Variants in DOCK3 observed in about 807,000 individuals in gnomAD.
DOCK3 encodes the protein dedicator of cytokinesis 3.
In DOCK3, 60 loss-of-function variants were observed where a neutral mutation model predicts 265.6. The ratio of observed to expected loss-of-function variants is 0.23; its 90% CI spans 0.18 to 0.28. The LOEUF (loss-of-function observed/expected upper bound fraction) is 0.28, where lower values mean the gene tolerates loss of function less well. Among genes scored for constraint, DOCK3 ranks in the 10% least tolerant of loss-of-function variants. The pLI is 1.00. For missense variants in DOCK3, 1,981 were observed against 2,594.3 expected (o/e 0.76, Z 5.14); for synonymous variants, 881 against 938.0 (o/e 0.94, Z 1.11).
At chr3:51,350,179 T>A in intron 39 of DOCK3, 109 bp from the exon 40 acceptor site, 1 of 893,892 alleles carries the variant, frequency 1.1e-6, no homozygotes, top group Non-Finnish European at 1.7e-6. Context: ...TTATCTAGAT[T>A]GAGTTGCCAT....
At chr3:50,815,475 T>A (rs1165200737) in intron 2 of DOCK3, among the ~76,000 whole-genome samples, 1 of 152,226 alleles carries the variant, frequency 6.6e-6, no homozygotes, top group African/African-American at 2.4e-5. Context: ...TTCATAATCA[T>A]GAAATTGACC....
chr3:51,322,394 G>A (rs1437706647), intron 32 of DOCK3, among the ~76,000 whole-genome samples: 5 of 151,962 alleles, frequency 3.3e-5, no homozygotes, highest in African/African-American at 7.3e-5. Flanking sequence ...TAGCAGAGAC[G>A]GAGTTTCACC....
intron 1 of DOCK3, among the ~76,000 whole-genome samples, chr3:50,773,962 T>A (rs1385668481): frequency 1.3e-5 from 2 of 152,068 alleles, no homozygotes; most frequent in African/African-American, 4.8e-5. Flanking sequence ...TTGTTCAGAA[T>A]TTATCTTCCA....
intron 12 of DOCK3, among the ~76,000 whole-genome samples, chr3:51,176,137 G>A (rs549008966): frequency 2.0e-5 from 3 of 152,206 alleles, no homozygotes; most frequent in Non-Finnish European, 4.4e-5. Flanking sequence ...CCAGAGTGAA[G>A]AAAGTGAGTT....
chr3:51,201,314 A>G (rs1466600263), intron 12 of DOCK3, among the ~76,000 whole-genome samples: 11 of 151,584 alleles, frequency 7.3e-5, no homozygotes, highest in African/African-American at 2.2e-4. Context: ...GGCTCAAAAT[A>G]AAAGGATGGA....
At chr3:51,183,592 A>C (rs2087425041) in intron 12 of DOCK3, among the ~76,000 whole-genome samples, 1 of 152,214 alleles carries the variant, frequency 6.6e-6, no homozygotes, top group Non-Finnish European at 1.5e-5. Flanking sequence ...ACATCATCCA[A>C]ACCTTCAAGG....
intron 5 of DOCK3, among the ~76,000 whole-genome samples, chr3:51,018,156 T>G (rs1222749355): frequency 6.6e-6 from 1 of 151,878 alleles, no homozygotes; most frequent in Non-Finnish European, 1.5e-5. Context: ...TGTCCCAAAG[T>G]GTTGGGATTA....
chr3:51,009,125 G>A (rs1010055108), intron 5 of DOCK3, among the ~76,000 whole-genome samples: 6 of 152,098 alleles, frequency 3.9e-5, no homozygotes, highest in Non-Finnish European at 7.4e-5. Context: ...GATGATGCTG[G>A]CCTCATAAAA....
intron 5 of DOCK3, among the ~76,000 whole-genome samples, chr3:51,017,051 T>C (rs987072946): frequency 6.8e-6 from 1 of 146,862 alleles, no homozygotes; most frequent in Non-Finnish European, 1.5e-5. Flanking sequence ...GCTTTGATCT[T>C]ATTACTTGTT....
At chr3:50,682,853 T>C (rs1028464891) in intron 1 of DOCK3, among the ~76,000 whole-genome samples, 3 of 152,146 alleles carry the variant, frequency 2.0e-5, no homozygotes, top group Non-Finnish European at 2.9e-5. Flanking sequence ...GCAGGAGAAT[T>C]GCTTGAACCT....
chr3:51,248,535 G>C (rs1159864123), intron 22 of DOCK3, among the ~76,000 whole-genome samples: 2 of 152,130 alleles, frequency 1.3e-5, no homozygotes, highest in African/African-American at 4.8e-5. Flanking sequence ...CGTGATCTCG[G>C]CTCGCTACAA....
rs751002884 is a variant in DOCK3 at position 51,280,253 on chromosome 3, A to G, written c.2922+49A>G. ...CTGGGAGAGGAAGTGTGCAGCCAGC[A>G]CTCCCCAGGGGCTTTTTCCCTGTCA... On this transcript the variant is annotated intron_variant, in intron 27 of 52. Coordinates refer to ENST00000266037, the MANE Select transcript of DOCK3 (RefSeq NM_004947.5). 1.2e-5 allele frequency: 19 copies of G among 1,554,810 alleles called. No homozygotes were observed. The South Asian group carries it at 1.3e-4, about 10-fold the overall frequency.
intron 9 of DOCK3, among the ~76,000 whole-genome samples, chr3:51,106,685 A>G (rs1042456442): frequency 6.6e-6 from 1 of 152,202 alleles, no homozygotes; most frequent in African/African-American, 2.4e-5. Flanking sequence ...GCATCAACGC[A>G]TACAGTGGAT....
At chr3:51,345,818 T>C (rs1560474710) in intron 38 of DOCK3, among the ~76,000 whole-genome samples, 1 of 152,226 alleles carries the variant, frequency 6.6e-6, no homozygotes, top group Non-Finnish European at 1.5e-5. Flanking sequence ...TTCTCCTTGA[T>C]GCTATTTCAA....
intron 9 of DOCK3, among the ~76,000 whole-genome samples, chr3:51,094,367 G>A (rs1391151588): frequency 6.6e-6 from 1 of 152,076 alleles, no homozygotes; most frequent in African/African-American, 2.4e-5. Flanking sequence ...GGTCTGTTTA[G>A]GGATTCGACT....
chr3:50,800,797 A>G (rs1428644420), intron 2 of DOCK3, among the ~76,000 whole-genome samples: 1 of 151,948 alleles, frequency 6.6e-6, no homozygotes, highest in African/African-American at 2.4e-5. Context: ...ATTTCAGCAT[A>G]TATTTCCCTG....
At chr3:50,930,930 C>T (rs2051030527) in intron 4 of DOCK3, among the ~76,000 whole-genome samples, 1 of 152,186 alleles carries the variant, frequency 6.6e-6, no homozygotes, top group Admixed American at 6.5e-5. Flanking sequence ...TTCACCCTCC[C>T]TGCAGCAGTG....
intron 1 of DOCK3, among the ~76,000 whole-genome samples, chr3:50,704,727 GC>G (rs1402792478): frequency 6.6e-6 from 1 of 151,632 alleles, no homozygotes; most frequent in Non-Finnish European, 1.5e-5. Flanking sequence ...CTGGGTTCAG[GC>G]TATTCTCCTG....
chr3:51,103,637 T>C (rs2083166260), intron 9 of DOCK3, among the ~76,000 whole-genome samples: 1 of 152,216 alleles, frequency 6.6e-6, no homozygotes, highest in African/African-American at 2.4e-5. Flanking sequence ...GTGCCTACAA[T>C]GTGCCAGGTC....
Sources: gnomAD v4.1 joint callset for allele counts (sites outside exome capture counted in the v4.1 genomes callset) on GRCh38, gnomAD v4.1.1 for gene constraint, MANE v1.5 for transcripts, NCBI Gene and HGNC (gene_info 2026-07-23, HGNC 2026-07-21) for gene names.